YEATS2: variants seen among roughly 807,000 people sequenced by gnomAD.
The protein encoded by YEATS2 is YEATS domain-containing protein 2.
In YEATS2, 77 loss-of-function variants were observed where a neutral mutation model predicts 163.2. The ratio of observed to expected loss-of-function variants is 0.47; its 90% CI spans 0.39 to 0.57. YEATS2 has a LOEUF of 0.57. Among genes scored for constraint, YEATS2 ranks in the 20% least tolerant of loss-of-function variants. The probability of loss-of-function intolerance (pLI) is 0.00; values close to 1 mark genes in which losing one functional copy is unlikely to be tolerated. For missense variants in YEATS2, 1,549 were observed against 1,729.8 expected (o/e 0.90, Z 1.85); for synonymous variants, 631 against 645.1 (o/e 0.98, Z 0.33).
chr3:183,793,609 C>CTT (rs35098553), intron 21 of YEATS2: 1,644 of 109,526 alleles, frequency 0.015, 43 homozygotes, highest in African/African-American at 0.037. Flanking sequence ...TTCTTTCTTT[C>CTT]TTTTTTTTTT....
chr3:183,712,454 A>G (rs1298456696), intron 1 of YEATS2, among the ~76,000 whole-genome samples: 1 of 151,738 alleles, frequency 6.6e-6, no homozygotes, highest in Non-Finnish European at 1.5e-5. Context: ...CAGGTGATCC[A>G]CCTGCCTGAG....
At position 183,802,517 on chromosome 3, in the gene YEATS2, G is replaced by GTATATATATATATATATATATACA. The variant is rs1221062615; in HGVS notation, c.3503-727_3503-726insTATATATATACATATATATATATA. The GTATATATATATATATATATATACA allele has an allele frequency of 6.1e-5, 9 of 147,260 alleles. 1 individual carries two copies. In the South Asian group the frequency reaches 1.7e-3, roughly 28 times the overall value. 9.1% of individuals were successfully genotyped at this position (147,260 alleles called of 1,614,324 possible). On this transcript the variant is annotated intron_variant, in intron 25 of 30. Coordinates refer to ENST00000305135, the MANE Select transcript of YEATS2 (RefSeq NM_018023.5). ...TGTGTGTGTGTGTGTGTGTATACAT[G>GTATATATATATATATATATATACA]TATATATATATACACGTGTATATAC...
Position 183,798,171 on chromosome 3 carries a change from C to T in YEATS2, c.3226+120C>T, listed in dbSNP as rs367924561. Reference sequence around the variant, plus strand: ...CCTTCAGCTGTCACGGTATTCCCAGCGCCTGTGTACAGCCACCCTTCAGCT... The same window carrying T: ...CCTTCAGCTGTCACGGTATTCCCAGTGCCTGTGTACAGCCACCCTTCAGCT... On this transcript the variant is annotated intron_variant, in intron 22 of 30. Coordinates refer to ENST00000305135, the MANE Select transcript of YEATS2 (RefSeq NM_018023.5). The T allele has an allele frequency of 4.8e-5, 68 of 1,414,470 alleles. 1 individual carries two copies. The South Asian group carries it at 8.3e-4, about 17-fold the overall frequency. 87.6% of individuals were successfully genotyped at this position (1,414,470 alleles called of 1,614,324 possible).
intron 1 of YEATS2, among the ~76,000 whole-genome samples, chr3:183,712,764 A>AAT (rs1553856580): frequency 6.8e-6 from 1 of 146,382 alleles, no homozygotes; most frequent in Non-Finnish European, 1.5e-5. Context: ...ACTAATACAA[A>AAT]TTTTTTTTTT....
Position 183,756,627 on chromosome 3 carries a change from A to G in YEATS2, c.1490A>G (p.Asn497Ser). 6.2e-7 allele frequency: 1 copy of G among 1,602,922 alleles called. No individual in the cohort carries two copies. Among genetic ancestry groups the G allele is most frequent in the South Asian group, 1.1e-5 (1 of 87,674 alleles). ...KQGTAGSVINNPYVIMDKQPG... is the reference protein window; with the variant it reads ...KQGTAGSVINSPYVIMDKQPG... ...GGCACTGCCGGCTCTGTTATTAATA[A>G]TCCTTATGTTATCATGGACAAGCAG... Residue 497 changes from asparagine to serine, a missense_variant, in exon 12 of 31, where the codon AAT becomes AGT. Asn to Ser is a conservative substitution (Grantham distance 46). Transcript: ENST00000305135.
intron 6 of YEATS2, among the ~76,000 whole-genome samples, chr3:183,725,672 A>G (rs116983792): frequency 0.04 from 6,063 of 152,316 alleles, 315 homozygotes; most frequent in East Asian, 0.15. Context: ...CCATGATTCA[A>G]TTACCTCCCA....
Position 183,804,060 on chromosome 3 carries a change from C to A in YEATS2, c.3656C>A (p.Thr1219Asn). 1 of 1,614,096 alleles carries A rather than the reference C, an allele frequency of 6.2e-7. No homozygotes were observed. Among genetic ancestry groups the A allele is most frequent in the Non-Finnish European group, 8.5e-7 (1 of 1,180,022 alleles). Reference sequence around the variant, plus strand: ...AAGAATCCGAGATTTCACCACCTGACTCCCCTCAAAACCAAGCACATCGCT... The same window carrying A: ...AAGAATCCGAGATTTCACCACCTGAATCCCCTCAAAACCAAGCACATCGCT... ...LEKNPRFHHL[T>N]PLKTKHIAHW... is the part of the protein sequence containing the mutation. The change falls in exon 27 of 31, where the codon ACT (threonine) becomes AAT (asparagine). Residue 1219 changes from threonine (T) to asparagine (N), a missense_variant. By Grantham distance (65) the Thr-to-Asn change is moderately conservative. Transcript: ENST00000305135.
intron 1 of YEATS2, among the ~76,000 whole-genome samples, chr3:183,714,122 A>T (rs374190634): frequency 6.6e-6 from 1 of 151,040 alleles, no homozygotes; most frequent in Non-Finnish European, 1.5e-5. Context: ...AAATTTTTTT[A>T]AATTTTAATT....
intron 7 of YEATS2, among the ~76,000 whole-genome samples, chr3:183,732,599 G>A (rs1438061363): frequency 2.0e-5 from 3 of 151,400 alleles, no homozygotes; most frequent in African/African-American, 7.3e-5. Context: ...TCGCTCTGCT[G>A]CCCAGGCTGG....
At chr3:183,711,739 A>G (rs531945734) in intron 1 of YEATS2, among the ~76,000 whole-genome samples, 2 of 152,116 alleles carry the variant, frequency 1.3e-5, no homozygotes, top group Non-Finnish European at 2.9e-5. Flanking sequence ...CCACTCTCCT[A>G]GCTGAGTCAA....
intron 3 of YEATS2, 118 bp from the exon 4 acceptor site, chr3:183,718,382 T>TAA: frequency 1.4e-6 from 1 of 708,194 alleles, no homozygotes; most frequent in South Asian, 2.1e-5. Flanking sequence ...TTCTTTTGAT[T>TAA]GTTAGAGAAG....
At chr3:183,783,034 A>G (rs942747956) in intron 19 of YEATS2, among the ~76,000 whole-genome samples, 4 of 152,204 alleles carry the variant, frequency 2.6e-5, no homozygotes, top group Non-Finnish European at 2.9e-5. Context: ...TGTGAGTGCA[A>G]AGTCATATCT....
rs779553178 is a variant in YEATS2, at chr3:183,809,197, G to A, written c.4160+27G>A. 2.5e-6 allele frequency: 4 copies of A among 1,610,652 alleles called. No homozygotes were observed. The African/African-American group carries it at 5.3e-5, about 22-fold the overall frequency. ...TATTACTATCTCTGCAGTCTGTGGT[G>A]TGAGGCTTACACCTCTTTCCTAACA... On this transcript the variant is annotated intron_variant, in intron 30 of 30. Coordinates refer to ENST00000305135, the MANE Select transcript of YEATS2 (RefSeq NM_018023.5).
Position 183,810,792 on chromosome 3 carries a change from A to G in YEATS2, c.*209A>G. The G allele has an allele frequency of 1.8e-6, 1 of 551,786 alleles. No individual in the cohort carries two copies. The highest frequency in any genetic ancestry group is 3.1e-5 in the Admixed American group (1 of 32,392). The allele number at this position is 551,786 out of a possible 1,614,324, so 34.2% of individuals were successfully genotyped here. ...ACAGGAGTTTGTTTCCTGAGTGTGG[A>G]GTGAGGCTGTCAGTGGATCCGTGCT... On this transcript the variant is annotated 3_prime_UTR_variant, in exon 31 of 31. Transcript: ENST00000305135.
chr3:183,809,475 C>T (rs1443495679), intron 30 of YEATS2: 2 of 231,626 alleles, frequency 8.6e-6, no homozygotes, highest in African/African-American at 4.5e-5. Context: ...TAACAGTGTC[C>T]ATTACATGTC....
chr3:183,802,481 T>TCA (rs1491263977), intron 25 of YEATS2: 3 of 92,744 alleles, frequency 3.2e-5, no homozygotes, highest in East Asian at 4.4e-4. Flanking sequence ...AAAATCTCTC[T>TCA]TATATATGTG....
chr3:183,781,657 C>G (rs1318731480), intron 19 of YEATS2, among the ~76,000 whole-genome samples: 1 of 152,172 alleles, frequency 6.6e-6, no homozygotes, highest in Non-Finnish European at 1.5e-5. Context: ...CCTTTTAGCC[C>G]CACATCCTTA....
At chr3:183,737,984 T>C (rs559038480) in intron 8 of YEATS2, among the ~76,000 whole-genome samples, 6 of 152,300 alleles carry the variant, frequency 3.9e-5, no homozygotes, top group African/African-American at 1.2e-4. Context: ...ATTCCTGAAA[T>C]ATTTCAAACT....
At chr3:183,705,514 C>G (rs1714530030) in intron 1 of YEATS2, among the ~76,000 whole-genome samples, 1 of 152,048 alleles carries the variant, frequency 6.6e-6, no homozygotes, top group Admixed American at 6.6e-5. Flanking sequence ...ATAACATCAT[C>G]TTTATCATGT....
Sources: gnomAD v4.1 joint callset for allele counts (sites outside exome capture counted in the v4.1 genomes callset) on GRCh38, gnomAD v4.1.1 for gene constraint, MANE v1.5 for transcripts, NCBI Gene and HGNC (gene_info 2026-07-23, HGNC 2026-07-21) for gene names.